KIF18A: variants seen among roughly 807,000 people sequenced by gnomAD.
KIF18A encodes the protein kinesin-like protein KIF18A.
A neutral mutation model predicts 103.3 loss-of-function variants in KIF18A; 67 were observed. The ratio of observed to expected loss-of-function variants is 0.65; its 90% confidence interval spans 0.53 to 0.79. The LOEUF (loss-of-function observed/expected upper bound fraction) is 0.79, where lower values mean the gene tolerates loss of function less well. Among genes scored for constraint, KIF18A ranks in the 30% least tolerant of loss-of-function variants. The pLI, the probability that KIF18A is intolerant of heterozygous loss-of-function variation, is 0.00. For synonymous variants in KIF18A, 367 were observed against 355.5 expected, an observed-to-expected ratio of 1.03 and a Z score of -0.36; for missense variants, 1,032 against 1,062.5, an observed-to-expected ratio of 0.97 and a Z score of 0.40.
chr11:28,035,676 G>T (rs577750256), intron 14 of KIF18A, among the ~76,000 whole-genome samples, 182 bp from the exon 15 acceptor site: 1 of 151,498 alleles, frequency 6.6e-6, no homozygotes, highest in Non-Finnish European at 1.5e-5. Context: ...TATAACACAG[G>T]TAAAGTTGCT....
At chr11:28,105,547 T>G (rs1851494064) in intron 1 of KIF18A, among the ~76,000 whole-genome samples, 1 of 152,192 alleles carries the variant, frequency 6.6e-6, no homozygotes, top group Non-Finnish European at 1.5e-5. Flanking sequence ...GTACATTAAA[T>G]GCCATGAACT....
intron 1 of KIF18A, among the ~76,000 whole-genome samples, chr11:28,101,900 G>A (rs1477386542): frequency 6.6e-6 from 1 of 152,078 alleles, no homozygotes; most frequent in Non-Finnish European, 1.5e-5. Context: ...TATCTAAGGG[G>A]TCTGGGGAGT....
chr11:28,042,808 T>TA lies in KIF18A; in HGVS notation c.1949-6145dup, dbSNP rs577959695. Among the ~76,000 whole-genome samples the TA allele has an allele frequency of 1.2e-3, 186 of 151,806 alleles. 1 individual carries two copies. The highest frequency in any genetic ancestry group is 0.01 in the South Asian group (50 of 4,800). On this transcript the variant is annotated intron_variant, in intron 13 of 16. Transcript: ENST00000263181. ...ATTCCCTTTAAAATGATCACATCAT[T>TA]AAAAAAAGGGTAAACTTGACCTAAT...
chr11:28,104,469 C>T (rs1450244864), intron 1 of KIF18A, among the ~76,000 whole-genome samples: 1 of 152,086 alleles, frequency 6.6e-6, no homozygotes, highest in African/African-American at 2.4e-5. Context: ...GCAGGCATTA[C>T]CTCCAGATAT....
chr11:28,074,033 A>T (rs1007149342), intron 10 of KIF18A, among the ~76,000 whole-genome samples: 2 of 152,158 alleles, frequency 1.3e-5, no homozygotes, highest in Non-Finnish European at 2.9e-5. Context: ...ATGTAATATA[A>T]GTGCTAATAA....
At chr11:28,100,928 A>T (rs375590945) in intron 1 of KIF18A, among the ~76,000 whole-genome samples, 2 of 152,104 alleles carry the variant, frequency 1.3e-5, no homozygotes, top group Admixed American at 1.3e-4. Context: ...CATGAGTCTC[A>T]GGTTTCTATT....
chr11:28,034,739 T>C (rs1317088643), intron 15 of KIF18A, among the ~76,000 whole-genome samples: 1 of 151,746 alleles, frequency 6.6e-6, no homozygotes. Flanking sequence ...CCTCTATGCC[T>C]TATGCCATAA....
At chr11:28,044,665 G>A (rs1470937177) in intron 13 of KIF18A, among the ~76,000 whole-genome samples, 1 of 152,060 alleles carries the variant, frequency 6.6e-6, no homozygotes, top group African/African-American at 2.4e-5. Flanking sequence ...AAAACATTTT[G>A]TTGAGACTGC....
At chr11:28,067,536 T>A (rs527404372) in intron 11 of KIF18A, among the ~76,000 whole-genome samples, 11 of 152,240 alleles carry the variant, frequency 7.2e-5, no homozygotes, top group African/African-American at 2.6e-4. Context: ...CATTCCCCAG[T>A]CATAATGCAT....
At chr11:28,103,827 C>A (rs1291347602) in intron 1 of KIF18A, among the ~76,000 whole-genome samples, 4 of 151,510 alleles carry the variant, frequency 2.6e-5, no homozygotes, top group African/African-American at 9.7e-5. Context: ...CCTGAGGCAT[C>A]AAAAAGAAAA....
chr11:28,097,077 A>G (rs1455975937), intron 2 of KIF18A, among the ~76,000 whole-genome samples: 1 of 152,068 alleles, frequency 6.6e-6, no homozygotes, highest in African/African-American at 2.4e-5. Flanking sequence ...GGTAAATTGC[A>G]TGCTGCGGGG....
At chr11:28,056,671 G>T in intron 13 of KIF18A, 1 of 159,470 alleles carries the variant, frequency 6.3e-6, no homozygotes. Context: ...ACTATTACAA[G>T]CCAAAGACTG....
At chr11:28,058,187 GAA>G (rs891353176) in intron 13 of KIF18A, among the ~76,000 whole-genome samples, 3 of 151,892 alleles carry the variant, frequency 2.0e-5, no homozygotes, top group African/African-American at 4.8e-5. Context: ...TTTTATGAGA[GAA>G]AGAGAAATAT....
chr11:28,045,779 G>C (rs1850624040), intron 13 of KIF18A, among the ~76,000 whole-genome samples: 1 of 151,922 alleles, frequency 6.6e-6, no homozygotes. Context: ...TAGAAATATT[G>C]TAGGTTGCAA....
intron 10 of KIF18A, among the ~76,000 whole-genome samples, chr11:28,075,206 C>G (rs1464816316): frequency 2.0e-5 from 3 of 152,102 alleles, no homozygotes; most frequent in African/African-American, 7.2e-5. Context: ...CATGTGTTAT[C>G]TTTATCCTGC....
At chr11:28,101,645 A>G (rs1478364692) in intron 1 of KIF18A, among the ~76,000 whole-genome samples, 1 of 152,246 alleles carries the variant, frequency 6.6e-6, no homozygotes. Flanking sequence ...TACTTTGTAC[A>G]GAGTATGAAC....
intron 9 of KIF18A, among the ~76,000 whole-genome samples, chr11:28,078,196 G>A (rs563775747): frequency 6.6e-6 from 1 of 152,152 alleles, no homozygotes; most frequent in South Asian, 2.1e-4. Context: ...ATTTACGTCA[G>A]TAGCTCTTAA....
intron 7 of KIF18A, 132 bp downstream of exon 7, chr11:28,084,500 C>A: frequency 1.8e-6 from 1 of 566,346 alleles, no homozygotes; most frequent in Non-Finnish European, 3.0e-6. Context: ...AGCAGGTTAG[C>A]AAAGACCCTT....
At position 28,091,141 on chromosome 11, in the gene KIF18A, AATAAATAAATACATAC is replaced by A. The variant is rs1470004464; in HGVS notation, c.588+252_588+267del. Among the ~76,000 whole-genome samples the A allele has an allele frequency of 1.9e-4, 24 of 128,536 alleles. No homozygotes were observed. The East Asian group carries it at 5.2e-3, about 28-fold the overall frequency. The allele number at this position is 128,536 out of a possible 152,430, so 84.3% of individuals were successfully genotyped here. A position where few individuals can be genotyped will look rare whatever the true frequency, so the allele number is the denominator to read the frequency against. On this transcript the variant is annotated intron_variant, in intron 4 of 16. Coordinates refer to ENST00000263181, the MANE Select transcript of KIF18A (RefSeq NM_031217.4). ...CGGTCACAAAATAAATAAATAAATA[AATAAATAAATACATAC>A]ATACATACATACATACATACATACA...
Sources: gnomAD v4.1 joint callset for allele counts (sites outside exome capture counted in the v4.1 genomes callset) on GRCh38, gnomAD v4.1.1 for gene constraint, MANE v1.5 for transcripts, NCBI Gene and HGNC (gene_info 2026-07-23, HGNC 2026-07-21) for gene names.